Variants in GALNT2 observed in about 807,000 individuals in gnomAD.
GALNT2 encodes UDP-GalNAc:polypeptide N-acetylgalactosaminyltransferase 2.
In GALNT2, 31 loss-of-function variants were observed where a neutral mutation model predicts 81.4. The observed-to-expected ratio is 0.38, with a 90% confidence interval of 0.29 to 0.51. The LOEUF is 0.51. Among genes scored for constraint, GALNT2 ranks in the 20% least tolerant of loss-of-function variants. GALNT2 has a pLI of 0.87. For synonymous variants in GALNT2, 303 were observed against 287.4 expected, an observed-to-expected ratio of 1.05 and a Z score of -0.55; for missense variants, 629 against 765.7, an observed-to-expected ratio of 0.82 and a Z score of 2.11.
chr1:230,215,318 G>A (rs760443487), intron 3 of GALNT2, among the ~76,000 whole-genome samples: 11 of 152,218 alleles, frequency 7.2e-5, no homozygotes, highest in African/African-American at 2.2e-4. Context: ...TCAGTCGGCC[G>A]TTTGGCTCTA....
intron 6 of GALNT2, among the ~76,000 whole-genome samples, chr1:230,237,752 A>T (rs1665076396): frequency 6.6e-6 from 1 of 152,136 alleles, no homozygotes; most frequent in African/African-American, 2.4e-5. Flanking sequence ...AAAAGGGGGC[A>T]ATTTGCTGCC....
chr1:230,155,289 G>C (rs1010664439), intron 1 of GALNT2, among the ~76,000 whole-genome samples: 1 of 152,126 alleles, frequency 6.6e-6, no homozygotes, highest in African/African-American at 2.4e-5. Context: ...CCTGTTCTTC[G>C]TTGGCTGCCT....
chr1:230,101,253 C>T (rs1167244597), intron 1 of GALNT2, among the ~76,000 whole-genome samples: 1 of 152,216 alleles, frequency 6.6e-6, no homozygotes, highest in Non-Finnish European at 1.5e-5. Context: ...ATTCTACATA[C>T]TCCTAAATGT....
chr1:230,192,100 T>A (rs1333669568), intron 2 of GALNT2, among the ~76,000 whole-genome samples: 1 of 152,210 alleles, frequency 6.6e-6, no homozygotes, highest in African/African-American at 2.4e-5. Context: ...CACTGCCACC[T>A]GAAAGGGGGC....
rs944446257 is a variant in GALNT2, at chr1:230,256,956, G to T, written c.1136+1612G>T. On this transcript the variant is annotated intron_variant, in intron 11 of 15. Coordinates refer to ENST00000366672, the MANE Select transcript of GALNT2 (RefSeq NM_004481.5). ...TATGTGAGTTCAGACTTGAAAGGTG[G>T]GAGGAGGTCCCTCTGGGACCCCGAG... is the stretch of plus-strand genomic sequence containing the variant. Among the ~76,000 whole-genome samples the T allele has an allele frequency of 4.6e-5, 7 of 152,286 alleles. No homozygotes were observed. In the East Asian group the frequency reaches 9.7e-4, roughly 21 times the overall value.
At chr1:230,118,250 A>G (rs1355598199) in intron 1 of GALNT2, among the ~76,000 whole-genome samples, 2 of 152,228 alleles carry the variant, frequency 1.3e-5, no homozygotes, top group Non-Finnish European at 2.9e-5. Flanking sequence ...TGTGTCCATC[A>G]TGACAAAGGA....
intron 3 of GALNT2, among the ~76,000 whole-genome samples, chr1:230,230,252 G>C (rs531791230): frequency 3.3e-4 from 50 of 152,014 alleles, no homozygotes; most frequent in African/African-American, 1.2e-3. Flanking sequence ...GCCTGCAGAT[G>C]AAAACTAGGT....
chr1:230,263,601 C>T (rs1382892000), intron 13 of GALNT2: 1 of 152,500 alleles, frequency 6.6e-6, no homozygotes, highest in African/African-American at 2.4e-5. Context: ...CCACACCCAG[C>T]CTCTTGTTTT....
At chr1:230,265,179 C>T in intron 13 of GALNT2, 62 bp from the exon 14 acceptor site, 1 of 1,609,566 alleles carries the variant, frequency 6.2e-7, no homozygotes, top group Non-Finnish European at 8.5e-7. Flanking sequence ...AGCAAAGGGG[C>T]TGGTGGACGG....
At chr1:230,253,954 G>C (rs1450441412) in intron 10 of GALNT2, among the ~76,000 whole-genome samples, 1 of 151,756 alleles carries the variant, frequency 6.6e-6, no homozygotes, top group Admixed American at 6.6e-5. Flanking sequence ...TAATTTCCTG[G>C]GAATACTATC....
intron 1 of GALNT2, among the ~76,000 whole-genome samples, chr1:230,082,092 T>G (rs1659750943): frequency 6.6e-6 from 1 of 152,152 alleles, no homozygotes; most frequent in South Asian, 2.1e-4. Flanking sequence ...AGGTGTGAAT[T>G]TTTGGACTAG....
At chr1:230,125,404 C>T (rs986039332) in intron 1 of GALNT2, among the ~76,000 whole-genome samples, 2 of 152,130 alleles carry the variant, frequency 1.3e-5, no homozygotes, top group Non-Finnish European at 2.9e-5. Context: ...AGGAGTGTAG[C>T]GAGGCCTGGC....
intron 6 of GALNT2, among the ~76,000 whole-genome samples, chr1:230,242,891 A>G (rs906861306): frequency 1.3e-5 from 2 of 152,222 alleles, no homozygotes; most frequent in Admixed American, 6.5e-5. Context: ...ACACTGTTGC[A>G]AATATTATCA....
chr1:230,256,219 A>T (rs1665710512), intron 11 of GALNT2, among the ~76,000 whole-genome samples: 1 of 152,096 alleles, frequency 6.6e-6, no homozygotes, highest in African/African-American at 2.4e-5. Flanking sequence ...TGGGCAGATC[A>T]CCTGAGTTTG....
chr1:230,229,076 T>C (rs1260892360), intron 3 of GALNT2, among the ~76,000 whole-genome samples: 2 of 152,216 alleles, frequency 1.3e-5, no homozygotes, highest in Non-Finnish European at 2.9e-5. Flanking sequence ...TTAAGAAAGC[T>C]TTTCCTGAAC....
At chr1:230,134,757 C>T (rs1310163827) in intron 1 of GALNT2, among the ~76,000 whole-genome samples, 1 of 152,208 alleles carries the variant, frequency 6.6e-6, no homozygotes, top group Non-Finnish European at 1.5e-5. Flanking sequence ...CAGCAGCGAG[C>T]AGGTGAGGTA....
At chr1:230,183,933 G>A (rs941168246) in intron 2 of GALNT2, among the ~76,000 whole-genome samples, 7 of 150,734 alleles carry the variant, frequency 4.6e-5, no homozygotes, top group Non-Finnish European at 7.4e-5. Context: ...AGCCGAGATC[G>A]TACCACTATT....
At position 230,203,126 on chromosome 1, in the gene GALNT2, G is replaced by C. The variant is rs773783873; in HGVS notation, c.221-11G>C. ...TTCCCTCATCCCTACCCTCTGCTCT[G>C]CTCTTTTTAGGGAAAGTACGGTGGC... On this transcript the variant is annotated splice_polypyrimidine_tract_variant and intron_variant, in intron 2 of 15. Coordinates refer to ENST00000366672, the MANE Select transcript of GALNT2 (RefSeq NM_004481.5). 6 of 1,612,250 alleles carry C rather than the reference G, an allele frequency of 3.7e-6. No individual in the cohort carries two copies. The highest frequency in any genetic ancestry group is 5.1e-6 in the Non-Finnish European group (6 of 1,178,656).
chr1:230,107,575 T>TAAA (rs5781564), intron 1 of GALNT2, among the ~76,000 whole-genome samples: 1 of 145,998 alleles, frequency 6.8e-6, no homozygotes, highest in Non-Finnish European at 1.5e-5. Flanking sequence ...GCAAGAATGT[T>TAAA]AAAAAAAAAA....
Sources: gnomAD v4.1 joint callset for allele counts (sites outside exome capture counted in the v4.1 genomes callset) on GRCh38, gnomAD v4.1.1 for gene constraint, MANE v1.5 for transcripts, NCBI Gene and HGNC (gene_info 2026-07-23, HGNC 2026-07-21) for gene names.